The following TFDP2 variants were observed in gnomAD, a reference collection of about 807,000 sequenced individuals.
TFDP2 encodes the protein transcription factor Dp-2.
TFDP2 carries 17 observed loss-of-function variants against 59.3 expected under a neutral mutation model. The observed-to-expected ratio is 0.29, with a 90% CI of 0.20 to 0.43. The LOEUF (loss-of-function observed/expected upper bound fraction) is 0.43. TFDP2 is among the 20% of genes least tolerant of loss of function. TFDP2 has a pLI of 1.00. For synonymous variants in TFDP2, 180 were observed against 194.7 expected (o/e 0.92, Z 0.63); for missense variants, 391 against 528.8 (o/e 0.74, Z 2.56).
At chr3:142,114,158 C>A (rs2061767370) in intron 1 of TFDP2, among the ~76,000 whole-genome samples, 1 of 150,634 alleles carries the variant, frequency 6.6e-6, no homozygotes. Context: ...AAGCGAGAAT[C>A]CGTCTCAAAA....
chr3:141,981,606 C>A (rs1941495074), intron 6 of TFDP2, among the ~76,000 whole-genome samples: 1 of 152,154 alleles, frequency 6.6e-6, no homozygotes, highest in Non-Finnish European at 1.5e-5. Context: ...ACCTCACAGA[C>A]TACTTATTTG....
At chr3:142,049,995 G>A (rs1947528685) in intron 3 of TFDP2, among the ~76,000 whole-genome samples, 1 of 152,110 alleles carries the variant, frequency 6.6e-6, no homozygotes, top group African/African-American at 2.4e-5. Context: ...CAGGCTGGGT[G>A]TGGTGGCTCA....
intron 1 of TFDP2, among the ~76,000 whole-genome samples, chr3:142,114,611 C>T (rs2061785147): frequency 6.6e-6 from 1 of 151,816 alleles, no homozygotes; most frequent in African/African-American, 2.4e-5. Context: ...ACTGCAAAAG[C>T]TGTCATCATT....
intron 1 of TFDP2, among the ~76,000 whole-genome samples, chr3:142,134,943 C>T (rs949882788): frequency 2.6e-5 from 4 of 152,094 alleles, no homozygotes; most frequent in Non-Finnish European, 5.9e-5. Context: ...ACTTTTCTGG[C>T]TCCATATTCA....
In TFDP2 at chr3:141,984,019, T is replaced by C. The variant is rs183295508; in HGVS notation, c.357-5337A>G. Among the ~76,000 whole-genome samples, 192 of 152,332 alleles carry C rather than the reference T, an allele frequency of 1.3e-3. 1 individual carries two copies. Among genetic ancestry groups the C allele is most frequent in the African/African-American group, 4.4e-3 (185 of 41,586 alleles). ...ACAGATATTTGTACACCCATGCTCA[T>C]AGCACCATTATTCACAATAGGTAAA... On this transcript the variant is annotated intron_variant, in intron 6 of 12. Transcript: ENST00000489671.
intron 1 of TFDP2, chr3:142,126,129 G>A (rs928968116): frequency 1.3e-5 from 2 of 151,242 alleles, no homozygotes; most frequent in Non-Finnish European, 1.5e-5. Context: ...TCTGACACAG[G>A]ATGCAAATTA....
chr3:142,016,538 C>G (rs1445501464), intron 3 of TFDP2, among the ~76,000 whole-genome samples: 1 of 151,682 alleles, frequency 6.6e-6, no homozygotes, highest in East Asian at 1.9e-4. Flanking sequence ...TGACCTCAAG[C>G]GATCCATGTG....
intron 1 of TFDP2, among the ~76,000 whole-genome samples, chr3:142,136,745 A>G (rs947036928): frequency 1.3e-5 from 2 of 151,850 alleles, no homozygotes; most frequent in Admixed American, 6.6e-5. Flanking sequence ...GTTCTGTTCT[A>G]TTGGTCTATA....
intron 3 of TFDP2, among the ~76,000 whole-genome samples, chr3:142,079,044 T>C (rs1429940135): frequency 2.0e-5 from 3 of 151,884 alleles, no homozygotes; most frequent in African/African-American, 4.8e-5. Flanking sequence ...AACGGCAGAA[T>C]TGATCAAGCA....
intron 3 of TFDP2, among the ~76,000 whole-genome samples, chr3:142,048,417 GA>G (rs781139541): frequency 0.016 from 2,130 of 132,972 alleles, 40 homozygotes; most frequent in African/African-American, 0.05. Flanking sequence ...TGTCTTAAGG[GA>G]AAAAAAAAAA....
intron 3 of TFDP2, among the ~76,000 whole-genome samples, chr3:142,031,414 T>C (rs1252145748): frequency 6.6e-6 from 1 of 152,136 alleles, no homozygotes; most frequent in Non-Finnish European, 1.5e-5. Context: ...ATGCTTGCCT[T>C]CCTTTCCAGA....
At chr3:142,110,310 C>A (rs567996973) in intron 1 of TFDP2, among the ~76,000 whole-genome samples, 2 of 152,040 alleles carry the variant, frequency 1.3e-5, no homozygotes, top group Non-Finnish European at 2.9e-5. Context: ...TTGAGACCAG[C>A]CTGGTCAACA....
At chr3:142,131,019 C>T (rs1213337633) in intron 1 of TFDP2, among the ~76,000 whole-genome samples, 1 of 144,344 alleles carries the variant, frequency 6.9e-6, no homozygotes, top group Admixed American at 6.9e-5. Flanking sequence ...CGCCATTGCA[C>T]TCCAGCCTGG....
chr3:142,033,960 C>A (rs182159599), intron 3 of TFDP2, among the ~76,000 whole-genome samples: 33 of 152,254 alleles, frequency 2.2e-4, no homozygotes, highest in Non-Finnish European at 4.0e-4. Context: ...TTCATCTTAA[C>A]ATTTCAAATG....
chr3:142,012,248 A>G (rs111431425), intron 3 of TFDP2, among the ~76,000 whole-genome samples: 1 of 152,276 alleles, frequency 6.6e-6, no homozygotes, highest in Non-Finnish European at 1.5e-5. Context: ...TCCTGACTTC[A>G]TGACCTGCCT....
chr3:141,995,590 T>A (rs1943191530), intron 4 of TFDP2, among the ~76,000 whole-genome samples: 1 of 152,146 alleles, frequency 6.6e-6, no homozygotes, highest in Non-Finnish European at 1.5e-5. Flanking sequence ...TATCCTTTTT[T>A]AAAAGAGTAT....
rs549763781 is a variant in TFDP2 at position 142,002,280 on chromosome 3, C to T, written c.186+3161G>A. Among the ~76,000 whole-genome samples the T allele has an allele frequency of 1.4e-4, 22 of 151,744 alleles. No homozygotes were observed. The South Asian group carries it at 4.6e-3, about 32-fold the overall frequency. ...AAAGTGCTGGGATTACAGGTATAAG[C>T]CACTGCACCCGGCCTAGCTAATTTT... On this transcript the variant is annotated intron_variant, in intron 4 of 12. Transcript: ENST00000489671.
At chr3:141,970,835 G>A (rs905750095) in intron 8 of TFDP2, among the ~76,000 whole-genome samples, 6 of 152,142 alleles carry the variant, frequency 3.9e-5, no homozygotes, top group African/African-American at 1.2e-4. Flanking sequence ...GCCGAGGGGG[G>A]AGAATCACTT....
At chr3:142,032,924 A>G (rs115824696) in intron 3 of TFDP2, among the ~76,000 whole-genome samples, 10,585 of 152,292 alleles carry the variant, frequency 0.07, 470 homozygotes, top group Non-Finnish European at 0.11. Context: ...AGCCAGGCGC[A>G]GTGGCTTATG....
Sources: gnomAD v4.1 joint callset for allele counts (sites outside exome capture counted in the v4.1 genomes callset) on GRCh38, gnomAD v4.1.1 for gene constraint, MANE v1.5 for transcripts, NCBI Gene and HGNC (gene_info 2026-07-23, HGNC 2026-07-21) for gene names.